KCNQ1: variants seen among roughly 807,000 people sequenced by gnomAD.
KCNQ1 encodes the protein potassium voltage-gated channel subfamily KQT member 1.
In KCNQ1, 49 loss-of-function variants were observed where a neutral mutation model predicts 72.4. The ratio of observed to expected loss-of-function variants is 0.68; its 90% confidence interval spans 0.54 to 0.86. The LOEUF is 0.86. Among genes scored for constraint, KCNQ1 ranks in the 40% least tolerant of loss-of-function variants. The probability of loss-of-function intolerance (pLI) is 0.00; values close to 1 mark genes in which losing one functional copy is unlikely to be tolerated. For synonymous variants in KCNQ1, 450 were observed against 412.6 expected (o/e 1.09, Z -1.10); for missense variants, 790 against 945.1 (o/e 0.84, Z 2.15).
chr11:2,777,862 C>T (rs1846738392), intron 14 of KCNQ1, 114 bp from the exon 15 acceptor site: 1 of 842,288 alleles, frequency 1.2e-6, no homozygotes, highest in Admixed American at 1.8e-5. Flanking sequence ...TAGGTTTAGG[C>T]ATTTTGACTC....
intron 1 of KCNQ1, among the ~76,000 whole-genome samples, chr11:2,490,095 GC>G (rs1846809769): frequency 6.6e-6 from 1 of 152,200 alleles, no homozygotes; most frequent in Non-Finnish European, 1.5e-5. Flanking sequence ...TGACTGAAGA[GC>G]CCTCAGGCCT....
At chr11:2,656,731 A>C (rs1293699974) in intron 10 of KCNQ1, 1 of 398,428 alleles carries the variant, frequency 2.5e-6, no homozygotes, top group Non-Finnish European at 4.4e-6. Context: ...TCTAATGTCA[A>C]ATTACTCAGT....
intron 2 of KCNQ1, among the ~76,000 whole-genome samples, chr11:2,546,025 GCCTA>G (rs980382251): frequency 7.3e-5 from 11 of 151,498 alleles, no homozygotes; most frequent in African/African-American, 2.4e-4. Flanking sequence ...ATTTTATTCT[GCCTA>G]CTTAGTTTTA....
At chr11:2,587,809 C>G in intron 9 of KCNQ1, 117 bp downstream of exon 9, 1 of 1,420,912 alleles carries the variant, frequency 7.0e-7, no homozygotes, top group Non-Finnish European at 9.8e-7. Context: ...CAGCCTGTGT[C>G]AGGGAGTCAG....
intron 11 of KCNQ1, among the ~76,000 whole-genome samples, chr11:2,716,667 C>G (rs1202144216): frequency 6.6e-6 from 1 of 152,244 alleles, no homozygotes; most frequent in Non-Finnish European, 1.5e-5. Context: ...CAGTAGGCCC[C>G]AAGCCCCAGA....
rs1352841547 is a variant in KCNQ1, at chr11:2,550,048, A to T, written c.478-20580A>T. Among the ~76,000 whole-genome samples the T allele has an allele frequency of 6.6e-6, 1 of 152,120 alleles. No homozygotes were observed. The highest frequency in any genetic ancestry group is 6.5e-5 in the Admixed American group (1 of 15,280). The stretch of plus-strand genomic sequence containing the variant: ...CGAGAGGGACGGACCCCAGAACTGG[A>T]CCCCAATGTGCAGGTCTGGGTGTGG... On this transcript the variant is annotated intron_variant, in intron 2 of 15. Transcript: ENST00000155840. The surrounding 1 kb of genome is among the most constrained non-coding windows in gnomAD (Gnocchi z 6.0).
At chr11:2,667,596 C>CG (rs1373200180) in intron 11 of KCNQ1, 93 of 79,632 alleles carry the variant, frequency 1.2e-3, no homozygotes, top group East Asian at 9.6e-3. Context: ...CGGGGTTGGG[C>CG]GGGGGGCACA....
In KCNQ1 at chr11:2,537,468, G is replaced by A. The variant is rs138913716; in HGVS notation, c.477+9450G>A. On this transcript the variant is annotated intron_variant, in intron 2 of 15. Coordinates refer to ENST00000155840, the MANE Select transcript of KCNQ1 (RefSeq NM_000218.3). This position sits in a 1 kb window ranked among gnomAD's most constrained non-coding sequence, Gnocchi z 5.2. ...ATAGAAGTGGGAGAGCGTGTGCCCC[G>A]GGCCAGCCCACCGTGCCCCACGTTT... Among the ~76,000 whole-genome samples, 642 of 152,064 alleles carry A rather than the reference G, an allele frequency of 4.2e-3. 2 individuals carry two copies. The highest frequency in any genetic ancestry group is 7.1e-3 in the Non-Finnish European group (481 of 67,960).
At chr11:2,618,440 C>T (rs758470823) in intron 10 of KCNQ1, 5 of 398,414 alleles carry the variant, frequency 1.3e-5, no homozygotes, top group African/African-American at 6.2e-5. Flanking sequence ...GGTTTCCTAA[C>T]GTCATTTATG....
rs979352067 is a variant in KCNQ1, at chr11:2,468,242, G to A, written c.386+22758G>A. 6.6e-6 allele frequency among the ~76,000 whole-genome samples: 1 copy of A among 152,130 alleles called. No individual in the cohort carries two copies. The highest frequency in any genetic ancestry group is 6.5e-5 in the Admixed American group (1 of 15,276). The stretch of plus-strand genomic sequence containing the variant: ...GTTCACTGCAGCCTCGACCTCCCTG[G>A]CTCAAGAGATCCTCCCGCCTCAGCC... On this transcript the variant is annotated intron_variant, in intron 1 of 15. Transcript: ENST00000155840. This position sits in a 1 kb window ranked among gnomAD's most constrained non-coding sequence, Gnocchi z 5.7.
At chr11:2,680,686 T>C (rs2133880159) in intron 11 of KCNQ1, 2 of 398,532 alleles carry the variant, frequency 5.0e-6, no homozygotes, top group East Asian at 7.1e-5. Flanking sequence ...TCTTCAAGAA[T>C]CCCTCATGTC....
rs974908261 is a variant in KCNQ1, at chr11:2,647,284, T to C, written c.1394-14677T>C. On this transcript the variant is annotated intron_variant, in intron 10 of 15. Transcript: ENST00000155840. The surrounding 1 kb of genome is among the most constrained non-coding windows in gnomAD (Gnocchi z 4.0). ...TAATGTGATGTATCACATTTATTGA[T>C]TTGTATATGTTGAACCATCCTTGAA... The C allele has an allele frequency of 5.0e-5, 20 of 398,436 alleles. No individual in the cohort carries two copies. The highest frequency in any genetic ancestry group is 3.7e-4 in the African/African-American group (18 of 48,632). 24.7% of individuals were successfully genotyped at this position (398,436 alleles called of 1,614,324 possible).
rs1217820157 is a variant in KCNQ1 at position 2,492,848 on chromosome 11, T to C, written c.387-35080T>C. On this transcript the variant is annotated intron_variant, in intron 1 of 15. Coordinates refer to ENST00000155840, the MANE Select transcript of KCNQ1 (RefSeq NM_000218.3). This position sits in a 1 kb window ranked among gnomAD's most constrained non-coding sequence, Gnocchi z 4.1. ...TGTGTCTTTATAGTAGAATGATTTA[T>C]AATCCTTTGGGTATATACCCAGTAA... 2.0e-5 allele frequency among the ~76,000 whole-genome samples: 3 copies of C among 152,228 alleles called. No homozygotes were observed. The highest frequency in any genetic ancestry group is 4.4e-5 in the Non-Finnish European group (3 of 68,048).
chr11:2,616,244 A>G (rs1186235900), intron 10 of KCNQ1: 14 of 381,746 alleles, frequency 3.7e-5, no homozygotes, highest in Non-Finnish European at 6.4e-5. Flanking sequence ...TTGTGTTCCT[A>G]CTTTTGTTTA....
At chr11:2,756,460 A>T (rs1846300265) in intron 11 of KCNQ1, among the ~76,000 whole-genome samples, 1 of 147,768 alleles carries the variant, frequency 6.8e-6, no homozygotes, top group Non-Finnish European at 1.5e-5. Flanking sequence ...AAAAAAAAAC[A>T]TGACTTTTGG....
At position 2,730,470 on chromosome 11, in the gene KCNQ1, C is replaced by T. The variant is rs575005620; in HGVS notation, c.1515-38374C>T. ...TGGCCTTTCCCCACGGCCCCCTTGT[C>T]TCTGCTTCTGTCCTGCGCTCTTCAC... On this transcript the variant is annotated intron_variant, in intron 11 of 15. Transcript: ENST00000155840. Among the ~76,000 whole-genome samples, 3 of 152,322 alleles carry T rather than the reference C, an allele frequency of 2.0e-5. No individual in the cohort carries two copies. The East Asian group carries it at 5.8e-4, about 29-fold the overall frequency.
rs182526881 is a variant in KCNQ1 at position 2,750,923 on chromosome 11, G to A, written c.1515-17921G>A. On this transcript the variant is annotated intron_variant, in intron 11 of 15. Coordinates refer to ENST00000155840, the MANE Select transcript of KCNQ1 (RefSeq NM_000218.3). This position sits in a 1 kb window ranked among gnomAD's most constrained non-coding sequence, Gnocchi z 6.3. ...TAAACGGGGTCCTCCCCAGCTGCCT[G>A]CCTACACCCCAACCTCGAGGCTCTT... 7.1e-4 allele frequency among the ~76,000 whole-genome samples: 108 copies of A among 152,232 alleles called. 3 individuals are homozygous for A. The East Asian group carries it at 0.017, about 24-fold the overall frequency.
At chr11:2,779,851 C>A (rs949553660) in intron 15 of KCNQ1, among the ~76,000 whole-genome samples, 6 of 152,214 alleles carry the variant, frequency 3.9e-5, no homozygotes, top group African/African-American at 1.4e-4. Flanking sequence ...CCAGCGCTGG[C>A]CTTGAAGGCA....
At chr11:2,646,343 A>T (rs1268012441) in intron 10 of KCNQ1, 2 of 398,456 alleles carry the variant, frequency 5.0e-6, no homozygotes, top group Non-Finnish European at 8.8e-6. Context: ...TGAGCATGGG[A>T]TGTCTCAAAA....
Sources: gnomAD v4.1 joint callset for allele counts (sites outside exome capture counted in the v4.1 genomes callset) on GRCh38, gnomAD v4.1.1 for gene constraint, Gnocchi (gnomAD v3.1) non-coding constraint, MANE v1.5 for transcripts, NCBI Gene and HGNC (gene_info 2026-07-23, HGNC 2026-07-21) for gene names.